DLGAP2: variants seen among roughly 807,000 people sequenced by gnomAD.
DLGAP2 encodes the protein disks large-associated protein 2.
Under a neutral mutation model 100.3 loss-of-function variants are expected in DLGAP2, and 26 were observed. That is an observed-to-expected ratio of 0.26 (90% CI 0.19 to 0.36). The LOEUF (loss-of-function observed/expected upper bound fraction) is 0.36. Among genes scored for constraint, DLGAP2 ranks in the 10% least tolerant of loss-of-function variants. The probability of loss-of-function intolerance (pLI) is 1.00; values close to 1 mark genes in which losing one functional copy is unlikely to be tolerated. For synonymous variants in DLGAP2, 886 were observed against 630.1 expected (o/e 1.41, Z -6.08); for missense variants, 1,858 against 1,453.2 (o/e 1.28, Z -4.53).
rs1225668367 is a variant in DLGAP2, at chr8:1,580,760, G to A, written c.1442+14866G>A. Among the ~76,000 whole-genome samples the A allele has an allele frequency of 2.7e-5, 4 of 150,210 alleles. No homozygotes were observed. The South Asian group carries it at 6.3e-4, about 24-fold the overall frequency. ...TCTACATACCACAGTCAAACTACCA[G>A]AAGTGAAGGATACAGACAAAACCCC... On this transcript the variant is annotated intron_variant, in intron 6 of 14. Transcript: ENST00000637795.
At chr8:1,002,866 C>T (rs766935519) in intron 2 of DLGAP2, 12 of 152,384 alleles carry the variant, frequency 7.9e-5, no homozygotes, top group Middle Eastern at 3.4e-3. Context: ...CCCAGCATGG[C>T]GCTAGTGGGG....
chr8:1,024,794 C>T (rs554065022), intron 2 of DLGAP2, among the ~76,000 whole-genome samples: 11 of 152,246 alleles, frequency 7.2e-5, no homozygotes, highest in Middle Eastern at 3.4e-3. Context: ...CTGTGGGACA[C>T]GCGTGAGGGG....
At chr8:1,138,764 C>T (rs1412032168) in intron 2 of DLGAP2, among the ~76,000 whole-genome samples, 1 of 151,636 alleles carries the variant, frequency 6.6e-6, no homozygotes, top group East Asian at 1.9e-4. Context: ...GTGGGAAATT[C>T]TTCTTGTTTA....
intron 3 of DLGAP2, among the ~76,000 whole-genome samples, chr8:1,465,849 G>C (rs1798613591): frequency 6.6e-6 from 1 of 152,338 alleles, no homozygotes; most frequent in Admixed American, 6.5e-5. Context: ...TCTGGGGTGA[G>C]GGTTTTGGGA....
chr8:1,227,176 T>C, intron 2 of DLGAP2, among the ~76,000 whole-genome samples: 1 of 58,922 alleles, frequency 1.7e-5, no homozygotes, highest in Non-Finnish European at 3.1e-5. Context: ...ATATATATAG[T>C]ATAGATATAT....
intron 3 of DLGAP2, among the ~76,000 whole-genome samples, chr8:1,382,937 G>A (rs534274740): frequency 1.3e-5 from 2 of 152,180 alleles, no homozygotes; most frequent in East Asian, 1.9e-4. Context: ...GTGTGTGTGT[G>A]TAGAGAGAGA....
chr8:809,592 A>G (rs74764052), intron 1 of DLGAP2, among the ~76,000 whole-genome samples: 23 of 152,238 alleles, frequency 1.5e-4, no homozygotes, highest in African/African-American at 5.5e-4. Flanking sequence ...CCATAAAATT[A>G]CAGATGAAAT....
chr8:752,688 G>A (rs1249584988), intron 1 of DLGAP2, among the ~76,000 whole-genome samples: 1 of 152,198 alleles, frequency 6.6e-6, no homozygotes, highest in African/African-American at 2.4e-5. Flanking sequence ...AGATGCCATG[G>A]CGGCCAGGAG....
At position 1,463,283 on chromosome 8, in the gene DLGAP2, G is replaced by A. The variant is rs192008034; in HGVS notation, c.107-38083G>A. On this transcript the variant is annotated intron_variant, in intron 3 of 14. Transcript: ENST00000637795. ...AAAGAAAAAGATCAGGGAAGGTGCT[G>A]ATGAGACAAGCGGCCCCAGCGTTTG... Among the ~76,000 whole-genome samples, 11 of 152,326 alleles carry A rather than the reference G, an allele frequency of 7.2e-5. No homozygotes were observed. The East Asian group carries it at 2.1e-3, about 29-fold the overall frequency.
At chr8:1,041,950 C>T (rs953611433) in intron 2 of DLGAP2, among the ~76,000 whole-genome samples, 1 of 152,208 alleles carries the variant, frequency 6.6e-6, no homozygotes, top group Non-Finnish European at 1.5e-5. Flanking sequence ...CTCTTTCTCC[C>T]CGGCTGTTTC....
chr8:902,508 G>T (rs917772544), intron 1 of DLGAP2, among the ~76,000 whole-genome samples: 1 of 145,224 alleles, frequency 6.9e-6, no homozygotes. Context: ...GGTGCCCTGC[G>T]TGAGGGTGAC....
At chr8:1,116,800 CA>C (rs780262494) in intron 2 of DLGAP2, among the ~76,000 whole-genome samples, 2 of 147,302 alleles carry the variant, frequency 1.4e-5, no homozygotes, top group South Asian at 4.3e-4. Context: ...AACCCTGTCT[CA>C]AAAAAAAGAG....
At chr8:995,833 G>A (rs1179446421) in intron 2 of DLGAP2, among the ~76,000 whole-genome samples, 6 of 152,212 alleles carry the variant, frequency 3.9e-5, no homozygotes, top group Admixed American at 6.5e-5. Flanking sequence ...AGAGACTTGG[G>A]GAAGTGAGAC....
At chr8:1,514,248 T>A (rs1477971874) in intron 4 of DLGAP2, among the ~76,000 whole-genome samples, 1 of 152,242 alleles carries the variant, frequency 6.6e-6, no homozygotes, top group Non-Finnish European at 1.5e-5. Context: ...TCTGCCTGAA[T>A]TTAAATGCAA....
At chr8:984,534 C>T (rs891553072) in intron 2 of DLGAP2, among the ~76,000 whole-genome samples, 6 of 152,114 alleles carry the variant, frequency 3.9e-5, no homozygotes, top group African/African-American at 1.4e-4. Context: ...GACCAAACCA[C>T]GGCCGTGCCT....
At chr8:879,908 G>A (rs1040255838) in intron 1 of DLGAP2, among the ~76,000 whole-genome samples, 11 of 152,030 alleles carry the variant, frequency 7.2e-5, no homozygotes, top group Admixed American at 2.6e-4. Context: ...TTCTCCTTCC[G>A]TGTCTCTCCT....
intron 2 of DLGAP2, among the ~76,000 whole-genome samples, chr8:1,138,442 G>T (rs1228678448): frequency 6.6e-6 from 1 of 152,202 alleles, no homozygotes; most frequent in Admixed American, 6.5e-5. Context: ...TTTCTGATCT[G>T]CCTCACTCGT....
chr8:1,304,362 T>A (rs921053630), intron 3 of DLGAP2, among the ~76,000 whole-genome samples: 1 of 152,240 alleles, frequency 6.6e-6, no homozygotes, highest in Non-Finnish European at 1.5e-5. Context: ...CCTTTGAACC[T>A]GGTGGAACGA....
intron 2 of DLGAP2, among the ~76,000 whole-genome samples, chr8:1,256,289 C>T (rs1459835544): frequency 7.8e-6 from 1 of 128,134 alleles, no homozygotes. Flanking sequence ...TGTGTCCTCT[C>T]CTGCCCGGGT....
Sources: gnomAD v4.1 joint callset for allele counts (sites outside exome capture counted in the v4.1 genomes callset) on GRCh38, gnomAD v4.1.1 for gene constraint, MANE v1.5 for transcripts, NCBI Gene and HGNC (gene_info 2026-07-23, HGNC 2026-07-21) for gene names.